The following GOLGA6L6 variants were observed in gnomAD, a reference collection of about 807,000 sequenced individuals.
GOLGA6L6 encodes the protein golgin subfamily A member 6-like protein 6.
In GOLGA6L6, 12 loss-of-function variants were observed where a neutral mutation model predicts 75.6. The ratio of observed to expected loss-of-function variants is 0.16; its 90% confidence interval spans 0.10 to 0.26. GOLGA6L6 has a LOEUF of 0.26. Among genes scored for constraint, GOLGA6L6 ranks in the 10% least tolerant of loss-of-function variants. The pLI, the probability that GOLGA6L6 is intolerant of heterozygous loss-of-function variation, is 1.00. For synonymous variants in GOLGA6L6, 38 were observed against 179.2 expected, an observed-to-expected ratio of 0.21 and a Z score of 6.29; for missense variants, 144 against 598.5, an observed-to-expected ratio of 0.24 and a Z score of 7.92.
chr15:20,532,509 T>G lies in GOLGA6L6; in HGVS notation c.*1094A>C, dbSNP rs62001790. ...CACTAGAGCCTGGGCAACAGCGCAA[T>G]ACTCCATCTCAAAAACAACAAAAAA... On this transcript the variant is annotated 3_prime_UTR_variant, in exon 9 of 9. Transcript: ENST00000619213. 0.72 allele frequency: 94,521 copies of G among 130,824 alleles called. 34,498 individuals are homozygous for G. The highest frequency in any genetic ancestry group is 0.78 in the Admixed American group (9,999 of 12,802). The allele number at this position is 130,824 out of a possible 1,614,324, so 8.1% of individuals were successfully genotyped here. A position where few individuals can be genotyped will look rare whatever the true frequency, so the allele number is the denominator to read the frequency against.
chr15:20,534,545 A>G lies in GOLGA6L6; in HGVS notation c.1889T>C (p.Met630Thr), dbSNP rs1426142382. 2.0e-6 allele frequency: 3 copies of G among 1,532,898 alleles called. No homozygotes were observed. The highest frequency in any genetic ancestry group is 2.0e-5 in the Admixed American group (1 of 50,376). The allele number at this position is 1,532,898 out of a possible 1,614,324, so 95.0% of individuals were successfully genotyped here. A position where few individuals can be genotyped will look rare whatever the true frequency, so the allele number is the denominator to read the frequency against. ...TTGCATCTTCTCTTCCTGCTCACAC[A>G]TCTTCTCCTCCTGCTCCCCCATCTT... ...EEKMGEQEEK[M>T]CEQEEKMQEQ... Residue 630 changes from methionine to threonine, a missense_variant, in exon 8 of 9, where the codon ATG becomes ACG. Coordinates refer to ENST00000619213, the MANE Select transcript of GOLGA6L6 (RefSeq NM_001145004.2).
chr15:20,540,444 TAGA>T (rs1890463020), intron 1 of GOLGA6L6, among the ~76,000 whole-genome samples: 1 of 17,522 alleles, frequency 5.7e-5, no homozygotes, highest in Non-Finnish European at 1.3e-4. Flanking sequence ...TGCCTCTCAA[TAGA>T]ATCAAGGGAA....
Position 20,534,568 on chromosome 15 carries a change from CT to C in GOLGA6L6, c.1865del (p.Lys622ArgfsTer30). On this transcript the variant is annotated frameshift_variant, in exon 8 of 9. Transcript: ENST00000619213. LOFTEE classifies it high-confidence loss of function. ...QEEMTQEQEE[K>X]MGEQEEKMCE... ...ACATCTTCTCCTCCTGCTCCCCCAT[CT>C]TCTCTTCCTGTTCCTGCGTCATCTC... 1 of 1,542,876 alleles carries C rather than the reference CT, an allele frequency of 6.5e-7. No individual in the cohort carries two copies. Among genetic ancestry groups the C allele is most frequent in the Non-Finnish European group, 8.7e-7 (1 of 1,142,988 alleles).
At position 20,532,639 on chromosome 15, in the gene GOLGA6L6, C is replaced by G. The variant is rs1198060574; in HGVS notation, c.*964G>C. The G allele has an allele frequency of 7.3e-6, 1 of 136,598 alleles. No individual in the cohort carries two copies. The highest frequency in any genetic ancestry group is 1.6e-5 in the Non-Finnish European group (1 of 63,012). 8.5% of individuals were successfully genotyped at this position (136,598 alleles called of 1,614,324 possible). A position where few individuals can be genotyped will look rare whatever the true frequency, so the allele number is the denominator to read the frequency against. On this transcript the variant is annotated 3_prime_UTR_variant, in exon 9 of 9. Transcript: ENST00000619213. Reference sequence around the variant, plus strand: ...AAAACTGGATAAAAATGTGCCCCGCCCCCAATCAAAAACAATTGTTGGAAG... The same window carrying G: ...AAAACTGGATAAAAATGTGCCCCGCGCCCAATCAAAAACAATTGTTGGAAG...
chr15:20,538,808 G>A (rs2140637569), intron 2 of GOLGA6L6, 122 bp from the exon 3 acceptor site: 1 of 610,998 alleles, frequency 1.6e-6, no homozygotes, highest in Non-Finnish European at 2.9e-6. Context: ...AGTTTATCAG[G>A]GACCCTGTGG....
Position 20,536,916 on chromosome 15 carries a change from A to G in GOLGA6L6, c.544-44T>C. The G allele has an allele frequency of 2.2e-5, 6 of 268,854 alleles. 1 individual carries two copies. The highest frequency in any genetic ancestry group is 1.9e-4 in the South Asian group (6 of 31,664). The allele number at this position is 268,854 out of a possible 1,614,324, so 16.7% of individuals were successfully genotyped here. Reference sequence around the variant, plus strand: ...TAAGTCAGGATAGAGCAGGCACAGCAGTAGCTGGACGACCAGGAACAACTG... The same window carrying G: ...TAAGTCAGGATAGAGCAGGCACAGCGGTAGCTGGACGACCAGGAACAACTG... On this transcript the variant is annotated intron_variant, in intron 5 of 8. Transcript: ENST00000619213.
At position 20,534,897 on chromosome 15, in the gene GOLGA6L6, T is replaced by C; in HGVS notation, c.1537A>G (p.Lys513Glu). 6.9e-7 allele frequency: 1 copy of C among 1,441,294 alleles called. No individual in the cohort carries two copies. The highest frequency in any genetic ancestry group is 9.4e-7 in the Non-Finnish European group (1 of 1,061,364). 89.3% of individuals were successfully genotyped at this position (1,441,294 alleles called of 1,614,324 possible). Residue 513 changes from lysine (K) to glutamate (E), a missense_variant, in exon 8 of 9, where the codon AAG becomes GAG. By Grantham distance (56) the Lys-to-Glu change is moderately conservative. Transcript: ENST00000619213. The part of the protein sequence containing the change: ...QEEKMWRQEE[K>E]IREQEEMWRE... ...CACATCTCCTCCTGCTCCCGTATCTTCTCCTCCTGCCTCCACATCTTCTCC... is the reference window on the plus strand; with the variant it reads ...CACATCTCCTCCTGCTCCCGTATCTCCTCCTCCTGCCTCCACATCTTCTCC...
In GOLGA6L6 at chr15:20,535,024, C is replaced by T; in HGVS notation, c.1410G>A (p.Glu470=). ...TCTTCTCCTCCTGCTCGTGCATCTT[C>T]TCCTTTTGCCTCCATATCTCCTCCT... ...REQEEIWRQK[E]KMHEQEEKIR... Residue 470 remains glutamate, a synonymous_variant, in exon 8 of 9, where the codon GAG becomes GAA. Transcript: ENST00000619213. 1.4e-6 allele frequency: 2 copies of T among 1,406,628 alleles called. No homozygotes were observed. Among genetic ancestry groups the T allele is most frequent in the South Asian group, 1.3e-5 (1 of 77,632 alleles). 87.1% of individuals were successfully genotyped at this position (1,406,628 alleles called of 1,614,324 possible).
chr15:20,537,535 T>A (rs1435235169), intron 5 of GOLGA6L6, among the ~76,000 whole-genome samples: 1 of 148,162 alleles, frequency 6.7e-6, no homozygotes, highest in Admixed American at 6.7e-5. Flanking sequence ...TCCCATTTAA[T>A]CCTCACAACC....
Position 20,534,496 on chromosome 15 carries a change from C to T in GOLGA6L6, c.1938G>A (p.Arg646=). Reference sequence around the variant, plus strand: ...CCTGCTCCCTTATCTTCTCCTCCTGCCTCCACATCGTCTCCTCCTGTTCTT... The same window carrying T: ...CCTGCTCCCTTATCTTCTCCTCCTGTCTCCACATCGTCTCCTCCTGTTCTT... ...KMQEQEETMW[R]QEEKIREQEK... is the part of the protein sequence containing the mutation. Residue 646 remains arginine (R), a synonymous_variant, in exon 8 of 9, where the codon AGG becomes AGA. Coordinates refer to ENST00000619213, the MANE Select transcript of GOLGA6L6 (RefSeq NM_001145004.2). The T allele has an allele frequency of 2.7e-6, 4 of 1,467,252 alleles. 1 individual carries two copies. Among genetic ancestry groups the T allele is most frequent in the Non-Finnish European group, 3.6e-6 (4 of 1,101,310 alleles). The allele number at this position is 1,467,252 out of a possible 1,614,324, so 90.9% of individuals were successfully genotyped here. A position where few individuals can be genotyped will look rare whatever the true frequency, so the allele number is the denominator to read the frequency against.
At position 20,537,398 on chromosome 15, in the gene GOLGA6L6, A is replaced by C. The variant is rs1369986649; in HGVS notation, c.544-526T>G. ...CAGTGAATGTGGAAGGGACAGGGAAAGAGATTGAATTTAGAGCTGGCTAAC... is the reference window on the plus strand; with the variant it reads ...CAGTGAATGTGGAAGGGACAGGGAACGAGATTGAATTTAGAGCTGGCTAAC... On this transcript the variant is annotated intron_variant, in intron 5 of 8. Coordinates refer to ENST00000619213, the MANE Select transcript of GOLGA6L6 (RefSeq NM_001145004.2). 2.3e-5 allele frequency among the ~76,000 whole-genome samples: 3 copies of C among 130,592 alleles called. 1 individual carries two copies. Among genetic ancestry groups the C allele is most frequent in the Non-Finnish European group, 4.9e-5 (3 of 60,868 alleles). The allele number at this position is 130,592 out of a possible 152,430, so 85.7% of individuals were successfully genotyped here.
intron 5 of GOLGA6L6, among the ~76,000 whole-genome samples, chr15:20,537,959 CAAGTACCCT>C (rs1480982647): frequency 7.1e-6 from 1 of 141,228 alleles, no homozygotes; most frequent in Non-Finnish European, 1.6e-5. Flanking sequence ...CTTTATGGTA[CAAGTACCCT>C]AACCGCCACT....
intron 5 of GOLGA6L6, among the ~76,000 whole-genome samples, chr15:20,537,110 G>A: frequency 2.3e-5 from 1 of 44,410 alleles, no homozygotes; most frequent in East Asian, 4.9e-4. Context: ...GGAGTGCAAT[G>A]GCACAATCTC....
chr15:20,534,865 C>T lies in GOLGA6L6; in HGVS notation c.1569G>A (p.Glu523=), dbSNP rs1195583378. The T allele has an allele frequency of 5.6e-6, 7 of 1,240,142 alleles. No homozygotes were observed. The highest frequency in any genetic ancestry group is 3.5e-5 in the African/African-American group (2 of 56,754). 76.8% of individuals were successfully genotyped at this position (1,240,142 alleles called of 1,614,324 possible). The change falls in exon 8 of 9, where the codon GAG becomes GAA. Residue 523 remains glutamate (E), a synonymous_variant. Coordinates refer to ENST00000619213, the MANE Select transcript of GOLGA6L6 (RefSeq NM_001145004.2). ...KIREQEEMWR[E]EEKMHEQEKI... ...TCTCCTGCTCATGCATCTTCTCTTCCTCCCTCCACATCTCCTCCTGCTCCC... is the reference window on the plus strand; with the variant it reads ...TCTCCTGCTCATGCATCTTCTCTTCTTCCCTCCACATCTCCTCCTGCTCCC...
Position 20,535,156 on chromosome 15 carries a change from C to T in GOLGA6L6, c.1278G>A (p.Lys426=). The T allele has an allele frequency of 6.3e-6, 6 of 946,772 alleles. 1 individual carries two copies. In the South Asian group the frequency reaches 9.1e-5, roughly 14 times the overall value. The allele number at this position is 946,772 out of a possible 1,614,324, so 58.6% of individuals were successfully genotyped here. The change falls in exon 8 of 9, where the codon AAG becomes AAA. Residue 426 remains lysine (K), a synonymous_variant. Transcript: ENST00000619213. ...GAATCTTCTCCTCCTGCCTCCACAT[C>T]TTTTTCTCCTGCTCCCGTATCTTCT... ...QEEKIREQEK[K]MWRQEEKIHE...
At position 20,538,482 on chromosome 15, in the gene GOLGA6L6, G is replaced by T; in HGVS notation, c.408C>A (p.Tyr136Ter). The change falls in exon 4 of 9, where the codon TAC (tyrosine) becomes TAA (stop). Residue 136 changes from tyrosine (Y) to a stop codon, truncating the protein, a stop_gained. Transcript: ENST00000619213. LOFTEE classifies it high-confidence loss of function. Reference protein sequence around the residue: ...QKTELQMALYYSQHAVKQLEG... With the variant: ...QKTELQMALY ...CCAACTGCTTGACAGCATGCTGGCT[G>T]TAGTAGAGTGCCATCTGAAGCTCAG... The T allele has an allele frequency of 1.0e-6, 1 of 970,918 alleles. No individual in the cohort carries two copies. The highest frequency in any genetic ancestry group is 1.5e-6 in the Non-Finnish European group (1 of 655,900). The allele number at this position is 970,918 out of a possible 1,614,324, so 60.1% of individuals were successfully genotyped here.
At position 20,533,218 on chromosome 15, in the gene GOLGA6L6, G is replaced by A. The variant is rs201815182; in HGVS notation, c.*385C>T. ...TCACCAGGCTTGAGTGCAGTGGCAC[G>A]ATCTCAGCTCACTGCAACCTCTGCC... On this transcript the variant is annotated 3_prime_UTR_variant, in exon 9 of 9. Transcript: ENST00000619213. 554 of 184,488 alleles carry A rather than the reference G, an allele frequency of 3.0e-3. 6 individuals carry two copies. Among genetic ancestry groups the A allele is most frequent in the East Asian group, 0.012 (87 of 7,224 alleles). The allele number at this position is 184,488 out of a possible 1,614,324, so 11.4% of individuals were successfully genotyped here. A position where few individuals can be genotyped will look rare whatever the true frequency, so the allele number is the denominator to read the frequency against.
In GOLGA6L6 at chr15:20,534,546, T is replaced by A. The variant is rs1595229606; in HGVS notation, c.1888A>T (p.Met630Leu). 6.5e-7 allele frequency: 1 copy of A among 1,534,440 alleles called. No individual in the cohort carries two copies. The highest frequency in any genetic ancestry group is 8.8e-7 in the Non-Finnish European group (1 of 1,138,106). The change falls in exon 8 of 9, where the codon ATG (methionine) becomes TTG (leucine). Residue 630 changes from methionine to leucine, a missense_variant. By Grantham distance (15) the Met-to-Leu change is conservative. Coordinates refer to ENST00000619213, the MANE Select transcript of GOLGA6L6 (RefSeq NM_001145004.2). Reference sequence around the variant, plus strand: ...TGCATCTTCTCTTCCTGCTCACACATCTTCTCCTCCTGCTCCCCCATCTTC... The same window carrying A: ...TGCATCTTCTCTTCCTGCTCACACAACTTCTCCTCCTGCTCCCCCATCTTC... ...EEKMGEQEEK[M>L]CEQEEKMQEQ...
rs1890257345 is a variant in GOLGA6L6, at chr15:20,533,150, T to C, written c.*453A>G. 6.6e-6 allele frequency: 1 copy of C among 152,196 alleles called. No individual in the cohort carries two copies. Among genetic ancestry groups the C allele is most frequent in the Non-Finnish European group, 1.4e-5 (1 of 72,972 alleles). 9.4% of individuals were successfully genotyped at this position (152,196 alleles called of 1,614,324 possible). On this transcript the variant is annotated 3_prime_UTR_variant, in exon 9 of 9. Transcript: ENST00000619213. ...AGAAGAAAACTAATAGAAACATACA[T>C]GTAAGGAAGAAACTTTTTTTTTTGA...
Sources: gnomAD v4.1 joint callset for allele counts (sites outside exome capture counted in the v4.1 genomes callset) on GRCh38, gnomAD v4.1.1 for gene constraint, MANE v1.5 for transcripts, NCBI Gene and HGNC (gene_info 2026-07-23, HGNC 2026-07-21) for gene names.